The following EXT2 variants were observed in gnomAD, a reference collection of about 807,000 sequenced individuals.
EXT2 encodes exostosin glycosyltransferase 2.
In EXT2, 53 loss-of-function variants were observed where a neutral mutation model predicts 81.6. The observed-to-expected ratio is 0.65, with a 90% CI of 0.52 to 0.82. The LOEUF is 0.82. Among genes scored for constraint, EXT2 ranks in the 40% least tolerant of loss-of-function variants. EXT2 has a pLI of 0.00. For missense variants in EXT2, 774 were observed against 910.2 expected, an observed-to-expected ratio of 0.85 and a Z score of 1.93; for synonymous variants, 320 against 340.0, an observed-to-expected ratio of 0.94 and a Z score of 0.65.
chr11:44,128,959 G>C (rs1373460613), intron 6 of EXT2, among the ~76,000 whole-genome samples: 2 of 152,244 alleles, frequency 1.3e-5, no homozygotes, highest in Non-Finnish European at 2.9e-5. Flanking sequence ...GACTAGCCTA[G>C]TTGGCAGAAG....
rs1417028665 is a variant in EXT2, at chr11:44,248,509, G to A, written c.*4222G>A. ...ACTTTCTACTTCTGAGTAGAATCAA[G>A]GGCAGCATTTGGTCCCATTATACCA... On this transcript the variant is annotated 3_prime_UTR_variant, in exon 14 of 14. Transcript: ENST00000533608. Among the ~76,000 whole-genome samples the A allele has an allele frequency of 6.6e-6, 1 of 152,190 alleles. No individual in the cohort carries two copies. Among genetic ancestry groups the A allele is most frequent in the South Asian group, 2.1e-4 (1 of 4,822 alleles).
At chr11:44,224,049 C>T (rs1361981064) in intron 10 of EXT2, among the ~76,000 whole-genome samples, 1 of 152,168 alleles carries the variant, frequency 6.6e-6, no homozygotes, top group Non-Finnish European at 1.5e-5. Context: ...GTTGTGATGT[C>T]ATACAATAGT....
intron 11 of EXT2, among the ~76,000 whole-genome samples, 171 bp downstream of exon 11, chr11:44,232,667 C>T (rs768057026): frequency 5.9e-5 from 9 of 152,176 alleles, no homozygotes; most frequent in Admixed American, 3.3e-4. Flanking sequence ...AATGCACGCT[C>T]ATAGTAGAAA....
At chr11:44,117,814 C>G (rs552885603) in intron 4 of EXT2, among the ~76,000 whole-genome samples, 2 of 152,054 alleles carry the variant, frequency 1.3e-5, no homozygotes, top group Non-Finnish European at 2.9e-5. Context: ...AGTGCTGGAT[C>G]GAATGGGTGG....
intron 7 of EXT2, among the ~76,000 whole-genome samples, chr11:44,143,873 C>T (rs548724104): frequency 7.3e-4 from 111 of 152,238 alleles, no homozygotes; most frequent in Non-Finnish European, 1.0e-3. Context: ...TGGTGTTCTC[C>T]GGAATCATTG....
intron 9 of EXT2, among the ~76,000 whole-genome samples, chr11:44,199,477 T>A (rs553027118): frequency 4.1e-4 from 62 of 152,372 alleles, no homozygotes; most frequent in African/African-American, 1.4e-3. Flanking sequence ...AGTGGCCTGT[T>A]GTGTCTTGCA....
chr11:44,158,215 A>T (rs992060455), intron 7 of EXT2, among the ~76,000 whole-genome samples: 10 of 152,356 alleles, frequency 6.6e-5, no homozygotes, highest in Middle Eastern at 3.4e-3. Context: ...CTGTACCAGC[A>T]GCTGGTGTAT....
rs1956103444 is a variant in EXT2, at chr11:44,247,308, A to G, written c.*3021A>G. Reference sequence around the variant, plus strand: ...GTCACCCAGGCTGGAGTGCAACAATAGCATGGTCTCGGCTCACTACATCCT... The same window carrying G: ...GTCACCCAGGCTGGAGTGCAACAATGGCATGGTCTCGGCTCACTACATCCT... On this transcript the variant is annotated 3_prime_UTR_variant, in exon 14 of 14. Transcript: ENST00000533608. 7.2e-6 allele frequency among the ~76,000 whole-genome samples: 1 copy of G among 139,322 alleles called. No homozygotes were observed. Among genetic ancestry groups the G allele is most frequent in the South Asian group, 2.2e-4 (1 of 4,540 alleles). The allele number at this position is 139,322 out of a possible 152,430, so 91.4% of individuals were successfully genotyped here.
At chr11:44,173,563 C>CTTTTTTTTTTTT (rs66702988) in intron 8 of EXT2, among the ~76,000 whole-genome samples, 8 of 100,068 alleles carry the variant, frequency 8.0e-5, no homozygotes, top group South Asian at 4.0e-4. Context: ...TTCTTTCTTT[C>CTTTTTTTTTTTT]TTTTTTTTTT....
intron 7 of EXT2, among the ~76,000 whole-genome samples, chr11:44,171,279 C>G (rs915487852): frequency 3.9e-5 from 6 of 152,178 alleles, no homozygotes; most frequent in Admixed American, 3.9e-4. Flanking sequence ...GAGCTGTACA[C>G]AAGATTTGTG....
intron 7 of EXT2, among the ~76,000 whole-genome samples, chr11:44,136,118 C>T (rs1036667829): frequency 1.3e-5 from 2 of 152,094 alleles, no homozygotes; most frequent in Non-Finnish European, 2.9e-5. Context: ...AGTGTAAACC[C>T]TCAGATGTCT....
intron 7 of EXT2, among the ~76,000 whole-genome samples, chr11:44,168,578 C>G (rs1007848742): frequency 6.6e-6 from 1 of 152,116 alleles, no homozygotes; most frequent in Non-Finnish European, 1.5e-5. Context: ...ACAGAGAAAG[C>G]TTAAATGCAG....
At chr11:44,172,518 CTT>C (rs1955090277) in intron 8 of EXT2, among the ~76,000 whole-genome samples, 1 of 151,890 alleles carries the variant, frequency 6.6e-6, no homozygotes, top group African/African-American at 2.4e-5. Flanking sequence ...GTTCTCCATT[CTT>C]CATTCTAATT....
intron 10 of EXT2, among the ~76,000 whole-genome samples, chr11:44,216,863 A>C (rs1955726070): frequency 6.6e-6 from 1 of 151,444 alleles, no homozygotes; most frequent in Non-Finnish European, 1.5e-5. Context: ...GAAAATTGAT[A>C]GTGCACTCTA....
chr11:44,236,598 T>C (rs1051978256), intron 13 of EXT2, among the ~76,000 whole-genome samples: 5 of 152,194 alleles, frequency 3.3e-5, no homozygotes, highest in African/African-American at 1.2e-4. Context: ...GTCTTAAAAA[T>C]ATAGTGGGCC....
chr11:44,204,093 G>C (rs1049601257), intron 9 of EXT2, among the ~76,000 whole-genome samples: 5 of 152,140 alleles, frequency 3.3e-5, no homozygotes, highest in African/African-American at 1.2e-4. Flanking sequence ...ACCCAAATCT[G>C]AACAGAGTCT....
At chr11:44,203,237 C>G (rs932617228) in intron 9 of EXT2, among the ~76,000 whole-genome samples, 1 of 152,218 alleles carries the variant, frequency 6.6e-6, no homozygotes, top group Middle Eastern at 3.4e-3. Context: ...ATAATTTGAA[C>G]AGGAAAAATT....
At chr11:44,239,417 A>G (rs1310595948) in intron 13 of EXT2, among the ~76,000 whole-genome samples, 1 of 135,176 alleles carries the variant, frequency 7.4e-6, no homozygotes, top group African/African-American at 2.8e-5. Flanking sequence ...TTTTTGAGAC[A>G]TAGTCTCACT....
intron 8 of EXT2, among the ~76,000 whole-genome samples, chr11:44,182,420 T>C (rs1398043408): frequency 6.6e-6 from 1 of 152,208 alleles, no homozygotes; most frequent in Non-Finnish European, 1.5e-5. Flanking sequence ...CTTTAGCTTT[T>C]TTTTTGCTTT....
Sources: allele counts gnomAD v4.1 joint callset (sites outside exome capture counted in the v4.1 genomes callset), GRCh38; gene constraint gnomAD v4.1.1; transcripts MANE v1.5; gene names NCBI Gene and HGNC (gene_info 2026-07-23, HGNC 2026-07-21).